The following RFX4 variants were observed in gnomAD, a reference collection of about 807,000 sequenced individuals.
RFX4 encodes the protein transcription factor RFX4.
Under a neutral mutation model 95.0 loss-of-function variants are expected in RFX4, and 10 were observed. The observed-to-expected ratio is 0.11, with a 90% CI of 0.06 to 0.18. The LOEUF (loss-of-function observed/expected upper bound fraction) is 0.18, where lower values mean the gene tolerates loss of function less well. RFX4 is among the 10% of genes least tolerant of loss of function. The pLI, the probability that RFX4 is intolerant of heterozygous loss-of-function variation, is 1.00. For synonymous variants in RFX4, 321 were observed against 340.7 expected, an observed-to-expected ratio of 0.94 and a Z score of 0.64; for missense variants, 640 against 922.0, an observed-to-expected ratio of 0.69 and a Z score of 3.96.
intron 16 of RFX4, among the ~76,000 whole-genome samples, chr12:106,748,377 G>T (rs967313098): frequency 2.6e-5 from 4 of 152,190 alleles, no homozygotes; most frequent in Admixed American, 6.5e-5. Flanking sequence ...CTGAGGGCTG[G>T]AGGTCCCTTT....
chr12:106,731,112 G>A (rs1178294010), intron 13 of RFX4, among the ~76,000 whole-genome samples: 1 of 152,182 alleles, frequency 6.6e-6, no homozygotes, highest in Non-Finnish European at 1.5e-5. Context: ...AGGGACTGCA[G>A]GATATCTACA....
At chr12:106,716,605 C>A (rs1358896976) in intron 11 of RFX4, among the ~76,000 whole-genome samples, 1 of 152,074 alleles carries the variant, frequency 6.6e-6, no homozygotes, top group East Asian at 1.9e-4. Flanking sequence ...TGGACCTTCC[C>A]CAGGGCTTCT....
intron 2 of RFX4, among the ~76,000 whole-genome samples, chr12:106,614,476 CCT>C (rs2040029005): frequency 3.1e-5 from 2 of 65,050 alleles, no homozygotes; most frequent in African/African-American, 5.3e-5. Flanking sequence ...ACGTCTTTTG[CCT>C]GTGTGTGTGT....
chr12:106,730,093 TAG>T (rs951145282), intron 13 of RFX4, among the ~76,000 whole-genome samples: 1 of 151,690 alleles, frequency 6.6e-6, no homozygotes, highest in African/African-American at 2.4e-5. Flanking sequence ...TGGCAGGCTG[TAG>T]AGAGAGGGGG....
chr12:106,587,039 G>T (rs1226871030), intron 1 of RFX4, among the ~76,000 whole-genome samples: 1 of 152,220 alleles, frequency 6.6e-6, no homozygotes, highest in Non-Finnish European at 1.5e-5. Flanking sequence ...GCTAAGCGCC[G>T]GCGTCTGGAT....
chr12:106,722,922 C>T (rs2042423191), intron 13 of RFX4, among the ~76,000 whole-genome samples: 1 of 152,162 alleles, frequency 6.6e-6, no homozygotes, highest in Non-Finnish European at 1.5e-5. Flanking sequence ...GAAAAAGAGC[C>T]CTCTGTTCCT....
chr12:106,711,424 A>G (rs2042189523), intron 9 of RFX4, 29 bp from the exon 10 acceptor site: 1 of 1,600,634 alleles, frequency 6.2e-7, no homozygotes, highest in Non-Finnish European at 8.6e-7. Flanking sequence ...GCATGCAAAT[A>G]TTTCAAACTA....
chr12:106,682,102 C>T (rs1281031972), intron 5 of RFX4, 48 bp downstream of exon 5: 1 of 1,588,870 alleles, frequency 6.3e-7, no homozygotes, highest in East Asian at 2.2e-5. Context: ...ATCTATGGGC[C>T]TCGAGACAGG....
chr12:106,727,058 C>T (rs1565996707), intron 13 of RFX4, among the ~76,000 whole-genome samples: 1 of 152,102 alleles, frequency 6.6e-6, no homozygotes, highest in Non-Finnish European at 1.5e-5. Context: ...AAGCATGAGT[C>T]ACCACACCCA....
intron 4 of RFX4, among the ~76,000 whole-genome samples, chr12:106,656,338 G>A (rs1386967589): frequency 1.3e-5 from 2 of 152,126 alleles, no homozygotes; most frequent in African/African-American, 4.8e-5. Flanking sequence ...ACCATATTGG[G>A]CAGTGCAGAA....
rs1257115095 is a variant in RFX4 at position 106,720,886 on chromosome 12, C to T, written c.1351+10C>T. 2 of 1,607,952 alleles carry T rather than the reference C, an allele frequency of 1.2e-6. No individual in the cohort carries two copies. Among genetic ancestry groups the T allele is most frequent in the East Asian group, 4.5e-5 (2 of 44,852 alleles). On this transcript the variant is annotated intron_variant, in intron 13 of 17. Coordinates refer to ENST00000392842, the MANE Select transcript of RFX4 (RefSeq NM_213594.3). The surrounding 1 kb of genome is among the most constrained non-coding windows in gnomAD (Gnocchi z 4.2). ...AGCGCCCCCAGCTTCGGTAAGGCCA[C>T]CCCAGCCCTCCCCATCTCCAAGCAC...
At chr12:106,627,399 G>A (rs1351509838) in intron 2 of RFX4, among the ~76,000 whole-genome samples, 1 of 152,158 alleles carries the variant, frequency 6.6e-6, no homozygotes, top group African/African-American at 2.4e-5. Context: ...GCCAGGCATG[G>A]TGGCGGGCAC....
At chr12:106,625,802 T>C (rs887516045) in intron 2 of RFX4, among the ~76,000 whole-genome samples, 8 of 152,224 alleles carry the variant, frequency 5.3e-5, no homozygotes, top group African/African-American at 1.9e-4. Flanking sequence ...ATCACAACCA[T>C]GATTTCTTTT....
intron 4 of RFX4, among the ~76,000 whole-genome samples, chr12:106,661,213 T>C (rs2098919314): frequency 2.0e-5 from 3 of 152,200 alleles, no homozygotes; most frequent in Admixed American, 2.0e-4. Flanking sequence ...TCTACAAGCA[T>C]ATGAGGATCT....
At chr12:106,616,240 A>G (rs1565951189) in intron 2 of RFX4, among the ~76,000 whole-genome samples, 1 of 152,180 alleles carries the variant, frequency 6.6e-6, no homozygotes, top group African/African-American at 2.4e-5. Context: ...CCTTTATTCT[A>G]TTAATACTGG....
intron 2 of RFX4, 122 bp downstream of exon 2, chr12:106,609,005 AT>A (rs1187389138): frequency 1.3e-6 from 1 of 749,530 alleles, no homozygotes; most frequent in Admixed American, 2.6e-5. Context: ...CTCTCTAGCT[AT>A]TTATGAAATA....
intron 2 of RFX4, among the ~76,000 whole-genome samples, chr12:106,617,561 T>C (rs1416021872): frequency 6.6e-6 from 1 of 152,228 alleles, no homozygotes; most frequent in Admixed American, 6.5e-5. Flanking sequence ...TTTCTGTTGT[T>C]GATTTCTCTT....
chr12:106,583,460 C>A, intron 1 of RFX4, 97 bp downstream of exon 1: 1 of 1,220,516 alleles, frequency 8.2e-7, no homozygotes. Flanking sequence ...TCAGACGGGT[C>A]AACTTGACAG....
chr12:106,707,494 G>A (rs942074561), intron 8 of RFX4, among the ~76,000 whole-genome samples: 8 of 152,132 alleles, frequency 5.3e-5, no homozygotes, highest in African/African-American at 1.9e-4. Context: ...CTGGGGAGGA[G>A]CAGCAGAAGG....
Sources: gnomAD v4.1 joint callset for allele counts (sites outside exome capture counted in the v4.1 genomes callset) on GRCh38, gnomAD v4.1.1 for gene constraint, Gnocchi (gnomAD v3.1) non-coding constraint, MANE v1.5 for transcripts, NCBI Gene and HGNC (gene_info 2026-07-23, HGNC 2026-07-21) for gene names.